The following COL14A1 variants were observed in gnomAD, a reference collection of about 807,000 sequenced individuals.
COL14A1 encodes the protein collagen alpha-1(XIV) chain.
Under a neutral mutation model 230.3 loss-of-function variants are expected in COL14A1, and 136 were observed. The ratio of observed to expected loss-of-function variants is 0.59; its 90% CI spans 0.51 to 0.68. The LOEUF (loss-of-function observed/expected upper bound fraction) is 0.68, where lower values mean the gene tolerates loss of function less well. Ranked by LOEUF, COL14A1 falls within the 30% of genes least tolerant of loss-of-function variation. The pLI, the probability that COL14A1 is intolerant of heterozygous loss-of-function variation, is 0.00. For missense variants in COL14A1, 1,976 were observed against 2,215.8 expected (o/e 0.89, Z 2.17); for synonymous variants, 792 against 784.1 (o/e 1.01, Z -0.17).
At chr8:120,298,168 A>G (rs978038467) in intron 35 of COL14A1, among the ~76,000 whole-genome samples, 31 of 151,834 alleles carry the variant, frequency 2.0e-4, no homozygotes, top group African/African-American at 7.5e-4. Flanking sequence ...TCCTTTCATC[A>G]TAGCAGCTAT....
intron 44 of COL14A1, 45 bp from the exon 45 acceptor site, chr8:120,345,330 T>C: frequency 6.6e-7 from 1 of 1,511,564 alleles, no homozygotes; most frequent in Non-Finnish European, 8.8e-7. Context: ...TCTCTTTCCT[T>C]GTGTGACAGT....
intron 40 of COL14A1, among the ~76,000 whole-genome samples, chr8:120,319,457 G>T (rs930188801): frequency 2.0e-5 from 3 of 152,138 alleles, no homozygotes; most frequent in South Asian, 4.1e-4. Flanking sequence ...TTACAAGCAC[G>T]AGCCACAACA....
At chr8:120,326,279 C>T (rs1039881876) in intron 40 of COL14A1, among the ~76,000 whole-genome samples, 3 of 152,208 alleles carry the variant, frequency 2.0e-5, no homozygotes, top group Non-Finnish European at 4.4e-5. Flanking sequence ...GGGTTAGGTG[C>T]TCTTCCTAGA....
intron 44 of COL14A1, 46 bp from the exon 45 acceptor site, chr8:120,345,329 T>A: frequency 6.6e-7 from 1 of 1,512,114 alleles, no homozygotes; most frequent in African/African-American, 1.4e-5. Context: ...CTCTCTTTCC[T>A]TGTGTGACAG....
At chr8:120,166,865 AAAG>A (rs1486471320) in intron 4 of COL14A1, among the ~76,000 whole-genome samples, 3 of 137,160 alleles carry the variant, frequency 2.2e-5, no homozygotes, top group African/African-American at 8.1e-5. Flanking sequence ...CTGAGAAAGA[AAAG>A]AATTTAAGTG....
At position 120,332,678 on chromosome 8, in the gene COL14A1, C is replaced by T; in HGVS notation, c.4728C>T (p.Thr1576=). 1 of 1,613,016 alleles carries T rather than the reference C, an allele frequency of 6.2e-7. No homozygotes were observed. The highest frequency in any genetic ancestry group is 8.5e-7 in the Non-Finnish European group (1 of 1,179,368). The change falls in exon 42 of 48, where the codon ACC becomes ACT. Residue 1576 remains threonine (T), a synonymous_variant. Coordinates refer to ENST00000297848, the MANE Select transcript of COL14A1 (RefSeq NM_021110.4). Reference sequence around the variant, plus strand: ...CTCTCTTCTAGGGCATTCCTGGCACCCCTGGAGTCCCAGGGATCACAGGAA... The same window carrying T: ...CTCTCTTCTAGGGCATTCCTGGCACTCCTGGAGTCCCAGGGATCACAGGAA... ...GPPGPIGIPG[T]PGVPGITGSM...
intron 45 of COL14A1, among the ~76,000 whole-genome samples, chr8:120,361,440 A>C (rs1490156744): frequency 6.6e-6 from 1 of 152,234 alleles, no homozygotes; most frequent in Admixed American, 6.5e-5. Flanking sequence ...GACATGCAGA[A>C]ATAGCAGAGC....
At chr8:120,165,961 G>A (rs1815856278) in intron 4 of COL14A1, among the ~76,000 whole-genome samples, 1 of 152,142 alleles carries the variant, frequency 6.6e-6, no homozygotes, top group East Asian at 1.9e-4. Flanking sequence ...GGGATTTGAA[G>A]TAAGCAGGCA....
intron 19 of COL14A1, among the ~76,000 whole-genome samples, chr8:120,232,901 A>G (rs918869027): frequency 1.3e-5 from 2 of 152,134 alleles, no homozygotes; most frequent in Admixed American, 6.5e-5. Flanking sequence ...AAGTGTTCCT[A>G]TTTCTCCACA....
Position 120,286,163 on chromosome 8 carries a change from AT to A in COL14A1, c.4077+204del, listed in dbSNP as rs369046341. Among the ~76,000 whole-genome samples, 454 of 145,732 alleles carry A rather than the reference AT, an allele frequency of 3.1e-3. 1 individual carries two copies. Among genetic ancestry groups the A allele is most frequent in the East Asian group, 8.2e-3 (41 of 5,016 alleles). Reference sequence around the variant, plus strand: ...TCTGAGAGAGGACCCTGAAATGTGCATTTTTTTTTTTGGCAGGCACTCCCGA... The same window carrying A: ...TCTGAGAGAGGACCCTGAAATGTGCATTTTTTTTTTGGCAGGCACTCCCGA... On this transcript the variant is annotated intron_variant, in intron 33 of 47. Coordinates refer to ENST00000297848, the MANE Select transcript of COL14A1 (RefSeq NM_021110.4).
At chr8:120,310,437 C>G (rs1821000198) in intron 37 of COL14A1, among the ~76,000 whole-genome samples, 2 of 152,144 alleles carry the variant, frequency 1.3e-5, no homozygotes, top group Admixed American at 6.5e-5. Context: ...CAGGTAATTT[C>G]TCAGGTTTTG....
chr8:120,330,034 G>A (rs1048123772), intron 40 of COL14A1, among the ~76,000 whole-genome samples: 3 of 152,110 alleles, frequency 2.0e-5, no homozygotes, highest in African/African-American at 7.2e-5. Flanking sequence ...AGAAAATAAA[G>A]TGTAAAATCA....
chr8:120,175,478 C>T (rs879424319), intron 5 of COL14A1, among the ~76,000 whole-genome samples: 10 of 151,900 alleles, frequency 6.6e-5, no homozygotes, highest in Non-Finnish European at 1.0e-4. Context: ...GTAGTCTCTA[C>T]GGTGATATAA....
chr8:120,280,159 G>A (rs1819992347), intron 29 of COL14A1, 60 bp downstream of exon 29: 1 of 1,553,226 alleles, frequency 6.4e-7, no homozygotes, highest in Admixed American at 1.7e-5. Context: ...ATTTGACACT[G>A]GTTAAATAGT....
intron 1 of COL14A1, among the ~76,000 whole-genome samples, chr8:120,146,862 G>A (rs1316283417): frequency 1.3e-5 from 2 of 152,034 alleles, no homozygotes; most frequent in African/African-American, 4.8e-5. Flanking sequence ...CTGGGTAGAA[G>A]AAAACTTTGG....
chr8:120,168,307 A>G (rs1467862308), intron 5 of COL14A1, 60 bp downstream of exon 5: 8 of 1,214,632 alleles, frequency 6.6e-6, no homozygotes, highest in South Asian at 1.3e-5. Context: ...TACACAGGCA[A>G]TACTCACATG....
chr8:120,266,325 C>G (rs1301943143), intron 24 of COL14A1, among the ~76,000 whole-genome samples: 1 of 152,036 alleles, frequency 6.6e-6, no homozygotes, highest in Non-Finnish European at 1.5e-5. Context: ...ATTTGGTCCT[C>G]AAAACCAAAA....
intron 1 of COL14A1, among the ~76,000 whole-genome samples, chr8:120,137,208 A>G (rs998961552): frequency 6.6e-6 from 1 of 152,080 alleles, no homozygotes; most frequent in African/African-American, 2.4e-5. Flanking sequence ...TGAGTATTTC[A>G]ATAGTTTATT....
In COL14A1 at chr8:120,363,274, C is replaced by T. The variant is rs189675501; in HGVS notation, c.5078-3897C>T. Reference sequence around the variant, plus strand: ...AAAAGGAATGAGATCATGTACTTTGCAGAGACATGGATGAAGCTAGAAGCC... The same window carrying T: ...AAAAGGAATGAGATCATGTACTTTGTAGAGACATGGATGAAGCTAGAAGCC... On this transcript the variant is annotated intron_variant, in intron 45 of 47. Transcript: ENST00000297848. Among the ~76,000 whole-genome samples the T allele has an allele frequency of 2.6e-5, 4 of 152,246 alleles. No individual in the cohort carries two copies. In the East Asian group the frequency reaches 5.8e-4, roughly 22 times the overall value.
Sources: allele counts gnomAD v4.1 joint callset (sites outside exome capture counted in the v4.1 genomes callset), GRCh38; gene constraint gnomAD v4.1.1; transcripts MANE v1.5; gene names NCBI Gene and HGNC (gene_info 2026-07-23, HGNC 2026-07-21).